C4orf50: variants seen among roughly 807,000 people sequenced by gnomAD.
C4orf50 encodes chromosome 4 open reading frame 50.
A neutral mutation model predicts 77.2 loss-of-function variants in C4orf50; 80 were observed. The observed-to-expected ratio is 1.04, with a 90% confidence interval of 0.87 to 1.25. The LOEUF (loss-of-function observed/expected upper bound fraction) is 1.25. Ranked by LOEUF, C4orf50 falls within the 50% of genes most tolerant of loss-of-function variation. The probability of loss-of-function intolerance (pLI) is 0.00; values close to 1 mark genes in which losing one functional copy is unlikely to be tolerated. For synonymous variants in C4orf50, 532 were observed against 465.3 expected, an observed-to-expected ratio of 1.14 and a Z score of -1.84; for missense variants, 1,257 against 1,152.9, an observed-to-expected ratio of 1.09 and a Z score of -1.31.
At chr4:5,952,339 C>A (rs1718763348), downstream of C4orf50, among the ~76,000 whole-genome samples, 1 of 152,220 alleles carries the variant, frequency 6.6e-6, no homozygotes, top group Non-Finnish European at 1.5e-5. The surrounding 1 kb of genome is among the most constrained non-coding windows in gnomAD (Gnocchi z 4.4). Flanking sequence ...TTTCTTTGCT[C>A]TACTGAATTT....
At chr4:5,980,175 T>G (rs1330206075) in exon 29 of C4orf50, 2 of 1,593,248 alleles carry the variant, frequency 1.3e-6, no homozygotes, top group African/African-American at 2.7e-5. Flanking sequence ...TTCCCACACC[T>G]TGGCCTGGAG....
exon 26 of C4orf50, chr4:5,994,416 G>T: frequency 2.5e-6 from 1 of 399,140 alleles, no homozygotes. Context: ...CTTCTGCAGG[G>T]GTCCAGGGCC....
intron 7 of C4orf50, among the ~76,000 whole-genome samples, chr4:5,926,044 C>A (rs532173793): frequency 6.6e-6 from 1 of 152,188 alleles, no homozygotes; most frequent in Admixed American, 6.5e-5. Flanking sequence ...TCCATGCGGA[C>A]GACACGATAG....
exon 34 of C4orf50, chr4:5,959,485 G>T (rs2108762331): frequency 1.2e-6 from 2 of 1,614,216 alleles, no homozygotes; most frequent in Admixed American, 3.3e-5. Context: ...AGCTCAGAGG[G>T]TGCTGGGACG....
At chr4:5,998,891 T>G (rs2108799327) in intron 25 of C4orf50, among the ~76,000 whole-genome samples, 1 of 152,346 alleles carries the variant, frequency 6.6e-6, no homozygotes, top group Non-Finnish European at 1.5e-5. Flanking sequence ...TGAATGGTTC[T>G]TACTTCCTTT....
At chr4:5,993,193 G>C (rs765371112) in intron 26 of C4orf50, among the ~76,000 whole-genome samples, 2 of 152,114 alleles carry the variant, frequency 1.3e-5, no homozygotes, top group African/African-American at 2.4e-5. Context: ...ACTCCTGCAC[G>C]GGACAAAATC....
rs996391872 is a variant in C4orf50, at chr4:6,011,824, C to T, written c.426+6G>A. 1.6e-4 allele frequency: 64 copies of T among 399,134 alleles called. No homozygotes were observed. Among genetic ancestry groups the T allele is most frequent in the South Asian group, 2.5e-4 (2 of 7,864 alleles). 24.7% of individuals were successfully genotyped at this position (399,134 alleles called of 1,614,324 possible). ...ACAGGGCCTGGAAAGGAGAAGGAAACGGTACCTGGCTGGCCAGCTCCCCCT... is the reference window on the plus strand; with the variant it reads ...ACAGGGCCTGGAAAGGAGAAGGAAATGGTACCTGGCTGGCCAGCTCCCCCT... On this transcript the variant is annotated splice_donor_region_variant and intron_variant, in intron 24 of 33. Transcript: ENST00000531445. This position sits in a 1 kb window ranked among gnomAD's most constrained non-coding sequence, Gnocchi z 4.2.
At chr4:5,938,123 G>A (rs936907154) in intron 7 of C4orf50, among the ~76,000 whole-genome samples, 2 of 151,998 alleles carry the variant, frequency 1.3e-5, no homozygotes, top group East Asian at 1.9e-4. Flanking sequence ...AGCCAAATAC[G>A]TAATATTTTC....
intron 7 of C4orf50, among the ~76,000 whole-genome samples, chr4:5,929,348 G>C (rs562863701): frequency 6.6e-6 from 1 of 152,190 alleles, no homozygotes; most frequent in Non-Finnish European, 1.5e-5. Context: ...TTGAAGGCGG[G>C]AAGTTATGTA....
In C4orf50 at chr4:5,932,628, G is replaced by A. The variant is rs1717817385; in HGVS notation, c.*2474+24273C>T. On this transcript the variant is annotated intron_variant, in intron 7 of 7. Coordinates refer to the C4orf50 transcript ENST00000324058. The surrounding 1 kb of genome is among the most constrained non-coding windows in gnomAD (Gnocchi z 4.2). ...TTTTTATTTTTTAATTTTTTATAGA[G>A]ATGGAGTCCCCCTGCCTTGCTCAGG... Among the ~76,000 whole-genome samples, 3 of 152,226 alleles carry A rather than the reference G, an allele frequency of 2.0e-5. No homozygotes were observed. The East Asian group carries it at 5.8e-4, about 29-fold the overall frequency.
intron 25 of C4orf50, among the ~76,000 whole-genome samples, chr4:5,995,015 GT>G (rs1721502507): frequency 6.6e-6 from 1 of 152,168 alleles, no homozygotes; most frequent in Non-Finnish European, 1.5e-5. Context: ...AGATGGAACA[GT>G]TTCACCATGA....
chr4:5,996,289 T>A (rs1362475227), intron 25 of C4orf50, among the ~76,000 whole-genome samples: 2 of 152,158 alleles, frequency 1.3e-5, no homozygotes, highest in Admixed American at 6.5e-5. Flanking sequence ...AAGCCTTCTC[T>A]GCTTGTTGCT....
chr4:5,974,877 G>A (rs1460470783), intron 30 of C4orf50, among the ~76,000 whole-genome samples: 1 of 152,146 alleles, frequency 6.6e-6, no homozygotes, highest in East Asian at 1.9e-4. Flanking sequence ...GGTGGCTCAT[G>A]CCTGTAATCC....
intron 28 of C4orf50, among the ~76,000 whole-genome samples, chr4:5,987,244 C>G (rs1293693619): frequency 6.6e-6 from 1 of 151,598 alleles, no homozygotes; most frequent in East Asian, 2.0e-4. Context: ...AACCCCGTCT[C>G]TACTAAAATA....
intron 28 of C4orf50, among the ~76,000 whole-genome samples, chr4:5,983,638 C>T (rs1000256256): frequency 2.0e-5 from 3 of 152,188 alleles, no homozygotes; most frequent in Non-Finnish European, 2.9e-5. Context: ...TACAGGGTCA[C>T]AATCCTTAAG....
At chr4:5,925,309 G>T (rs1717468336) in intron 7 of C4orf50, among the ~76,000 whole-genome samples, 1 of 152,156 alleles carries the variant, frequency 6.6e-6, no homozygotes, top group African/African-American at 2.4e-5. Flanking sequence ...AGGGCTGTTG[G>T]GGGACCCCCA....
chr4:5,949,858 G>A (rs777106395), intron 7 of C4orf50, among the ~76,000 whole-genome samples: 16 of 151,902 alleles, frequency 1.1e-4, no homozygotes, highest in Admixed American at 3.3e-4. Flanking sequence ...GCATGGTGGC[G>A]GGTGCCTGTA....
At chr4:5,963,951 G>T (rs1346825396) in intron 33 of C4orf50, among the ~76,000 whole-genome samples, 1 of 152,192 alleles carries the variant, frequency 6.6e-6, no homozygotes, top group East Asian at 1.9e-4. Flanking sequence ...AAGACAGAGG[G>T]GAGTGCTGCT....
Position 5,991,602 on chromosome 4 carries a change from T to C in C4orf50, c.1222-778A>G, listed in dbSNP as rs145065014. On this transcript the variant is annotated intron_variant, in intron 27 of 33. Transcript: ENST00000531445. Reference sequence around the variant, plus strand: ...GCTGAAGGAGGCCTGAGGATGAAATTTGCCTTGAGCTAGGCTCACTGTGAG... The same window carrying C: ...GCTGAAGGAGGCCTGAGGATGAAATCTGCCTTGAGCTAGGCTCACTGTGAG... Among the ~76,000 whole-genome samples, 322 of 152,226 alleles carry C rather than the reference T, an allele frequency of 2.1e-3. 2 individuals carry two copies. The highest frequency in any genetic ancestry group is 6.9e-3 in the African/African-American group (287 of 41,536).
Sources: gnomAD v4.1 joint callset for allele counts (sites outside exome capture counted in the v4.1 genomes callset) on GRCh38, gnomAD v4.1.1 for gene constraint, Gnocchi (gnomAD v3.1) non-coding constraint, MANE v1.5 for transcripts, NCBI Gene and HGNC (gene_info 2026-07-23, HGNC 2026-07-21) for gene names.